Variants in POLR1B observed in about 807,000 individuals in gnomAD.
POLR1B encodes the protein DNA-directed RNA polymerase I subunit RPA2.
POLR1B carries 30 observed loss-of-function variants against 105.8 expected under a neutral mutation model. The observed-to-expected ratio is 0.28, with a 90% CI of 0.21 to 0.38. The LOEUF (loss-of-function observed/expected upper bound fraction) is 0.38. Ranked by LOEUF, POLR1B falls within the 10% of genes least tolerant of loss-of-function variation. The pLI is 1.00. For synonymous variants in POLR1B, 485 were observed against 505.1 expected (o/e 0.96, Z 0.53); for missense variants, 976 against 1,435.8 (o/e 0.68, Z 5.17).
chr2:112,548,560 C>T (rs895157711), intron 3 of POLR1B, among the ~76,000 whole-genome samples: 7 of 151,732 alleles, frequency 4.6e-5, no homozygotes, highest in African/African-American at 1.7e-4. Flanking sequence ...AGTTTTTGAA[C>T]GTATTTGGGA....
intron 10 of POLR1B, among the ~76,000 whole-genome samples, 191 bp downstream of exon 10, chr2:112,564,690 TGACAG>T (rs1684187363): frequency 6.6e-6 from 1 of 152,236 alleles, no homozygotes; most frequent in South Asian, 2.1e-4. Context: ...TTGGGGTCAG[TGACAG>T]ATATTTGACC....
At chr2:112,544,150 G>A (rs13412193) in intron 1 of POLR1B, among the ~76,000 whole-genome samples, 22,442 of 152,076 alleles carry the variant, frequency 0.15, 2,098 homozygotes, top group East Asian at 0.32. Flanking sequence ...AAGCCAGTCG[G>A]CTGGGTGTGG....
At position 112,551,684 on chromosome 2, in the gene POLR1B, T is replaced by C. The variant is rs1461410210; in HGVS notation, c.763-91T>C. The stretch of plus-strand genomic sequence containing the variant: ...TAGCAGAGTGCTAATTTTCCTTGGG[T>C]ATTAAAAAAATGAGAGAAGATAATT... On this transcript the variant is annotated intron_variant, in intron 5 of 14. Transcript: ENST00000263331. 9.5e-6 allele frequency: 10 copies of C among 1,057,900 alleles called. No individual in the cohort carries two copies. The East Asian group carries it at 2.5e-4, about 27-fold the overall frequency. 65.5% of individuals were successfully genotyped at this position (1,057,900 alleles called of 1,614,324 possible). A position where few individuals can be genotyped will look rare whatever the true frequency, so the allele number is the denominator to read the frequency against.
At chr2:112,573,086 G>GTT (rs1324875052) in intron 13 of POLR1B, among the ~76,000 whole-genome samples, 1 of 152,058 alleles carries the variant, frequency 6.6e-6, no homozygotes, top group African/African-American at 2.4e-5. Flanking sequence ...TGTTTTTCTT[G>GTT]TTTTTTGTTT....
Position 112,564,431 on chromosome 2 carries a change from G to A in POLR1B, c.1678G>A (p.Gly560Ser), listed in dbSNP as rs1458234461. ...TGAGTGCTACCCTGTCCTGCTGGAC[G>A]GTGTCATGGTTGGCTGGGTGGATAA... ...YSECYPVLLDGVMVGWVDKDL... is the reference protein window; with the variant it reads ...YSECYPVLLDSVMVGWVDKDL... Residue 560 changes from glycine to serine, a missense_variant, in exon 10 of 15, where the codon GGT becomes AGT. By Grantham distance (56) the Gly-to-Ser change is moderately conservative. Transcript: ENST00000263331. The A allele has an allele frequency of 2.5e-6, 4 of 1,614,236 alleles. No homozygotes were observed. Among genetic ancestry groups the A allele is most frequent in the Admixed American group, 1.7e-5 (1 of 60,036 alleles).
At chr2:112,546,728 A>AT (rs369129760) in intron 1 of POLR1B, among the ~76,000 whole-genome samples, 4,250 of 150,832 alleles carry the variant, frequency 0.028, 158 homozygotes, top group African/African-American at 0.085. Flanking sequence ...CGCCTGGCTA[A>AT]TTTTTTTTGT....
At position 112,559,545 on chromosome 2, in the gene POLR1B, C is replaced by T. The variant is rs1206170617; in HGVS notation, c.1583C>T (p.Ala528Val). Reference sequence around the variant, plus strand: ...GTTGTCACACAGTTTGTGTATACGGCATCTATTCCAGCTTTACTGTGCAAC... The same window carrying T: ...GTTGTCACACAGTTTGTGTATACGGTATCTATTCCAGCTTTACTGTGCAAC... Reference protein sequence around the residue: ...CEVVTQFVYTASIPALLCNLG... With the variant: ...CEVVTQFVYTVSIPALLCNLG... Residue 528 changes from alanine (A) to valine (V), a missense_variant, in exon 9 of 15, where the codon GCA becomes GTA. Ala to Val is a moderately conservative substitution (Grantham distance 64). Around this residue, in one of 12 missense-constraint regions of POLR1B, gnomAD observed 184 missense variants for 197.4 expected, o/e 0.93. Coordinates refer to ENST00000263331, the MANE Select transcript of POLR1B (RefSeq NM_019014.6). The T allele has an allele frequency of 1.9e-6, 3 of 1,614,212 alleles. No homozygotes were observed. Among genetic ancestry groups the T allele is most frequent in the East Asian group, 2.2e-5 (1 of 44,890 alleles).
intron 5 of POLR1B, 96 bp from the exon 6 acceptor site, chr2:112,551,679 T>C: frequency 2.9e-6 from 3 of 1,021,678 alleles, no homozygotes; most frequent in Non-Finnish European, 4.3e-6. Flanking sequence ...CTAATTTTCC[T>C]TGGGTATTAA....
chr2:112,565,086 T>C (rs2104558047), intron 10 of POLR1B, among the ~76,000 whole-genome samples: 1 of 152,368 alleles, frequency 6.6e-6, no homozygotes, highest in Admixed American at 6.5e-5. Flanking sequence ...TTAAGTGCTG[T>C]TTCGGACACT....
Position 112,577,123 on chromosome 2 carries a change from T to C in POLR1B, c.*1394T>C, listed in dbSNP as rs1684904484. 1 of 152,276 alleles carries C rather than the reference T, an allele frequency of 6.6e-6. No individual in the cohort carries two copies. Among genetic ancestry groups the C allele is most frequent in the Admixed American group, 6.5e-5 (1 of 15,294 alleles). The allele number at this position is 152,276 out of a possible 1,614,324, so 9.4% of individuals were successfully genotyped here. The stretch of plus-strand genomic sequence containing the variant: ...TAATAGATCATCTTGTATATACTTC[T>C]GCAATTATAAGATGTTTTTTGATGA... On this transcript the variant is annotated 3_prime_UTR_variant, in exon 15 of 15. Transcript: ENST00000263331.
rs752672266 is a variant in POLR1B at position 112,573,760 on chromosome 2, C to T, written c.2470C>T (p.Pro824Ser). 5.0e-6 allele frequency: 8 copies of T among 1,614,220 alleles called. No individual in the cohort carries two copies. Among genetic ancestry groups the T allele is most frequent in the Non-Finnish European group, 6.8e-6 (8 of 1,180,046 alleles). Residue 824 changes from proline (P) to serine (S), a missense_variant, in exon 14 of 15, where the codon CCG (proline) becomes TCG (serine). By Grantham distance (74) the Pro-to-Ser change is moderately conservative. Transcript: ENST00000263331. The part of the protein sequence containing the change: ...FIGAKLQYGD[P>S]YYSYLNLNTG... ...AGGAGCAAAACTGCAGTACGGAGATCCGTATTACAGCTACCTCAACCTCAA... is the reference window on the plus strand; with the variant it reads ...AGGAGCAAAACTGCAGTACGGAGATTCGTATTACAGCTACCTCAACCTCAA...
chr2:112,555,725 A>G (rs924029476), intron 7 of POLR1B, among the ~76,000 whole-genome samples: 4 of 152,226 alleles, frequency 2.6e-5, no homozygotes, highest in Non-Finnish European at 5.9e-5. Flanking sequence ...AGAGAAACCA[A>G]GGGAAAATTG....
chr2:112,550,615 G>A lies in POLR1B; in HGVS notation c.626-251G>A, dbSNP rs114378006. ...GCTAAAAGATGTGGACTCTGTCCTGGAGGGAAACTTTGAAGTTTGCTTAAA... is the reference window on the plus strand; with the variant it reads ...GCTAAAAGATGTGGACTCTGTCCTGAAGGGAAACTTTGAAGTTTGCTTAAA... On this transcript the variant is annotated intron_variant, in intron 4 of 14. Coordinates refer to ENST00000263331, the MANE Select transcript of POLR1B (RefSeq NM_019014.6). 4,987 of 510,828 alleles carry A rather than the reference G, an allele frequency of 9.8e-3. 36 individuals carry two copies. The highest frequency in any genetic ancestry group is 0.022 in the Middle Eastern group (40 of 1,806). 31.6% of individuals were successfully genotyped at this position (510,828 alleles called of 1,614,324 possible). A position where few individuals can be genotyped will look rare whatever the true frequency, so the allele number is the denominator to read the frequency against.
rs1419934168 is a variant in POLR1B at position 112,542,918 on chromosome 2, GT to G, written c.177+250del. 5 of 591,280 alleles carry G rather than the reference GT, an allele frequency of 8.5e-6. No individual in the cohort carries two copies. The African/African-American group carries it at 9.3e-5, about 11-fold the overall frequency. 36.6% of individuals were successfully genotyped at this position (591,280 alleles called of 1,614,324 possible). A position where few individuals can be genotyped will look rare whatever the true frequency, so the allele number is the denominator to read the frequency against. On this transcript the variant is annotated intron_variant, in intron 1 of 14. Transcript: ENST00000263331. ...GTGATTGTGAACCGTAGTTTGGACA[GT>G]TTCGGGGTGCTGTGAGAGTGAGGAA...
chr2:112,542,708 A>C (rs1348234077), intron 1 of POLR1B, 37 bp downstream of exon 1: 6 of 1,606,464 alleles, frequency 3.7e-6, no homozygotes, highest in Non-Finnish European at 5.1e-6. Context: ...TGCCGCGGCG[A>C]GGCCAATCCC....
At chr2:112,567,295 TTTGTTG>T (rs202228965) in intron 10 of POLR1B, among the ~76,000 whole-genome samples, 4 of 151,506 alleles carry the variant, frequency 2.6e-5, no homozygotes, top group African/African-American at 7.3e-5. Flanking sequence ...GACACATGGG[TTTGTTG>T]TTGTTGTTGT....
At chr2:112,554,264 C>A (rs1298498353) in intron 7 of POLR1B, among the ~76,000 whole-genome samples, 1 of 151,800 alleles carries the variant, frequency 6.6e-6, no homozygotes, top group Non-Finnish European at 1.5e-5. Flanking sequence ...TCCCGGGTAT[C>A]TAGGATTACA....
chr2:112,543,588 T>C (rs1170831874), intron 1 of POLR1B, among the ~76,000 whole-genome samples: 1 of 152,144 alleles, frequency 6.6e-6, no homozygotes. Context: ...CCTGTGGTTT[T>C]GTTGGGTAAG....
Position 112,575,821 on chromosome 2 carries a change from G to C in POLR1B, c.*92G>C, listed in dbSNP as rs570364319. ...AAGATATCATTACCAGGTTACTCTTGAGATTTTTCAACGGTGTTAGAACTC... is the reference window on the plus strand; with the variant it reads ...AAGATATCATTACCAGGTTACTCTTCAGATTTTTCAACGGTGTTAGAACTC... On this transcript the variant is annotated 3_prime_UTR_variant, in exon 15 of 15. Coordinates refer to ENST00000263331, the MANE Select transcript of POLR1B (RefSeq NM_019014.6). The surrounding 1 kb of genome is among the most constrained non-coding windows in gnomAD (Gnocchi z 5.3). 1.4e-6 allele frequency: 2 copies of C among 1,404,250 alleles called. No homozygotes were observed. Among genetic ancestry groups the C allele is most frequent in the South Asian group, 1.4e-5 (1 of 72,854 alleles). 87.0% of individuals were successfully genotyped at this position (1,404,250 alleles called of 1,614,324 possible).
Sources: allele counts gnomAD v4.1 joint callset (sites outside exome capture counted in the v4.1 genomes callset), GRCh38; gene constraint gnomAD v4.1.1; regional missense constraint gnomAD v4.1.1; non-coding constraint Gnocchi (gnomAD v3.1); transcripts MANE v1.5; gene names NCBI Gene and HGNC (gene_info 2026-07-23, HGNC 2026-07-21).